The following PDE10A variants were observed in gnomAD, a reference collection of about 807,000 sequenced individuals.
The protein encoded by PDE10A is phosphodiesterase 10A.
Under a neutral mutation model 97.7 loss-of-function variants are expected in PDE10A, and 39 were observed. That is an observed-to-expected ratio of 0.40 (90% CI 0.31 to 0.52). The LOEUF is 0.52. PDE10A is among the 20% of genes least tolerant of loss of function. The pLI is 0.56. For missense variants in PDE10A, 731 were observed against 1,047.8 expected (o/e 0.70, Z 4.17); for synonymous variants, 371 against 376.8 (o/e 0.98, Z 0.18).
chr6:165,987,516 A>C (rs1377601179), intron 1 of PDE10A: 7 of 361,580 alleles, frequency 1.9e-5, no homozygotes, highest in Non-Finnish European at 3.8e-5. Flanking sequence ...AGGTAAAAGA[A>C]CTGTCAACTT....
rs115831232 is a variant in PDE10A at position 165,927,839 on chromosome 6, G to A, written c.-615+59690C>T. On this transcript the variant is annotated intron_variant, in intron 1 of 19. Coordinates refer to the PDE10A transcript ENST00000366882. ...AGCCCCCCAAGTATCTGGGACTATA[G>A]GTGTGCGCCACCATGCCCAGCTAAT... 7.1e-3 allele frequency among the ~76,000 whole-genome samples: 1,059 copies of A among 149,624 alleles called. 13 individuals carry two copies. Among genetic ancestry groups the A allele is most frequent in the African/African-American group, 0.023 (926 of 41,010 alleles).
chr6:165,471,105 T>A (rs59922538), intron 3 of PDE10A, among the ~76,000 whole-genome samples: 1,539 of 152,294 alleles, frequency 0.01, 31 homozygotes, highest in African/African-American at 0.035. Flanking sequence ...GACCCCACAC[T>A]GCCAAACCCA....
At chr6:165,651,350 A>C (rs541368641) in intron 1 of PDE10A, among the ~76,000 whole-genome samples, 1 of 151,984 alleles carries the variant, frequency 6.6e-6, no homozygotes, top group South Asian at 2.1e-4. Context: ...TCTTTTTTTT[A>C]GTCATGTCCA....
chr6:165,855,315 G>GC (rs1554332692), intron 1 of PDE10A, among the ~76,000 whole-genome samples: 1 of 150,966 alleles, frequency 6.6e-6, no homozygotes, highest in African/African-American at 2.4e-5. Flanking sequence ...CGGGGGGGGG[G>GC]GGGGACTCAG....
At chr6:165,723,895 C>G (rs537369432) in intron 1 of PDE10A, among the ~76,000 whole-genome samples, 1 of 150,326 alleles carries the variant, frequency 6.7e-6, no homozygotes, top group Non-Finnish European at 1.5e-5. Context: ...AAATTTTATT[C>G]GGATAATAAA....
At chr6:165,589,106 C>T (rs565481488) in intron 1 of PDE10A, among the ~76,000 whole-genome samples, 5 of 152,174 alleles carry the variant, frequency 3.3e-5, no homozygotes, top group Non-Finnish European at 7.4e-5. Flanking sequence ...CATGTCTGTA[C>T]AAACTGCTGA....
At chr6:165,422,135 A>G (rs1246070931) in intron 10 of PDE10A, among the ~76,000 whole-genome samples, 1 of 152,174 alleles carries the variant, frequency 6.6e-6, no homozygotes, top group African/African-American at 2.4e-5. Context: ...ACTCTCCCCA[A>G]ATATTAATGT....
chr6:165,645,867 A>AAAAAAAAAAAG (rs1313670649), intron 1 of PDE10A, among the ~76,000 whole-genome samples: 38 of 151,956 alleles, frequency 2.5e-4, no homozygotes, highest in African/African-American at 9.2e-4. Flanking sequence ...AAAAAAAAAA[A>AAAAAAAAAAAG]AAGTTTACTT....
At chr6:165,374,670 T>C (rs1784496257) in intron 18 of PDE10A, among the ~76,000 whole-genome samples, 1 of 152,044 alleles carries the variant, frequency 6.6e-6, no homozygotes, top group South Asian at 2.1e-4. Context: ...GTAATATATG[T>C]ATAAATTGAC....
At chr6:165,793,680 T>C (rs1778723556) in intron 1 of PDE10A, among the ~76,000 whole-genome samples, 2 of 152,152 alleles carry the variant, frequency 1.3e-5, no homozygotes, top group Admixed American at 1.3e-4. Context: ...GCTGTGACCT[T>C]ATGGAGTGCC....
At chr6:165,656,236 A>T (rs1789950701) in intron 1 of PDE10A, among the ~76,000 whole-genome samples, 1 of 126,016 alleles carries the variant, frequency 7.9e-6, no homozygotes, top group South Asian at 2.6e-4. Flanking sequence ...TCCAACCCCA[A>T]CTCTCTCTCT....
intron 18 of PDE10A, among the ~76,000 whole-genome samples, chr6:165,352,623 G>T (rs964610410): frequency 2.0e-5 from 3 of 151,588 alleles, no homozygotes; most frequent in African/African-American, 7.3e-5. Context: ...AACAAATGGT[G>T]CCAGAACAAC....
chr6:165,767,957 G>GT (rs751782169), intron 1 of PDE10A, among the ~76,000 whole-genome samples: 47 of 151,950 alleles, frequency 3.1e-4, no homozygotes, highest in African/African-American at 7.5e-4. Flanking sequence ...CGTTTTTTGT[G>GT]TTTTTTTTAA....
intron 3 of PDE10A, among the ~76,000 whole-genome samples, chr6:165,454,859 A>G (rs142221438): frequency 3.3e-5 from 5 of 152,334 alleles, no homozygotes; most frequent in African/African-American, 1.2e-4. Flanking sequence ...TAAATGAACA[A>G]AAATCTGACT....
At chr6:165,931,107 C>G (rs766753695) in intron 1 of PDE10A, among the ~76,000 whole-genome samples, 16 of 152,238 alleles carry the variant, frequency 1.1e-4, no homozygotes, top group Non-Finnish European at 1.8e-4. Context: ...GGTTCATCTC[C>G]TCTTCCATCC....
At chr6:165,716,872 T>C (rs1292330424) in intron 1 of PDE10A, among the ~76,000 whole-genome samples, 2 of 152,218 alleles carry the variant, frequency 1.3e-5, no homozygotes, top group Admixed American at 1.3e-4. Flanking sequence ...AATTCATCAT[T>C]GTAAGCATTT....
intron 1 of PDE10A, among the ~76,000 whole-genome samples, chr6:165,944,722 T>C (rs578062688): frequency 6.6e-6 from 1 of 152,212 alleles, no homozygotes; most frequent in Non-Finnish European, 1.5e-5. Flanking sequence ...TGGGGCCCAC[T>C]CACGTTCACA....
At chr6:165,598,386 A>T (rs1583617843) in intron 1 of PDE10A, among the ~76,000 whole-genome samples, 1 of 152,210 alleles carries the variant, frequency 6.6e-6, no homozygotes, top group East Asian at 1.9e-4. Context: ...ATTTCTTTCA[A>T]AAAGAGAAGA....
intron 13 of PDE10A, among the ~76,000 whole-genome samples, chr6:165,408,442 G>A (rs1440116366): frequency 6.6e-6 from 1 of 152,056 alleles, no homozygotes; most frequent in African/African-American, 2.4e-5. Flanking sequence ...AAGAACAACC[G>A]CAAGCATCTC....
Sources: gnomAD v4.1 joint callset for allele counts (sites outside exome capture counted in the v4.1 genomes callset) on GRCh38, gnomAD v4.1.1 for gene constraint, MANE v1.5 for transcripts, NCBI Gene and HGNC (gene_info 2026-07-23, HGNC 2026-07-21) for gene names.